The following PCSK9 variants were observed in gnomAD, a reference collection of about 807,000 sequenced individuals.
PCSK9 encodes proprotein convertase subtilisin/kexin type 9, also known as convertase subtilisin/kexin type 9 preproprotein.
Under a neutral mutation model 62.1 loss-of-function variants are expected in PCSK9, and 57 were observed. That is an observed-to-expected ratio of 0.92 (90% CI 0.74 to 1.14). PCSK9 has a LOEUF of 1.14. Among genes scored for constraint, PCSK9 ranks in the 50% most tolerant of loss-of-function variants. PCSK9 has a pLI of 0.00. For missense variants in PCSK9, 870 were observed against 959.8 expected (o/e 0.91, Z 1.24); for synonymous variants, 387 against 409.4 (o/e 0.95, Z 0.66).
chr1:55,062,529 A>G (rs933469801), intron 11 of PCSK9, among the ~76,000 whole-genome samples: 3 of 152,232 alleles, frequency 2.0e-5, no homozygotes, highest in African/African-American at 7.2e-5. Flanking sequence ...TACTGAAAAG[A>G]TGCGATGGAG....
chr1:55,052,884 A>C, intron 5 of PCSK9, 93 bp downstream of exon 5: 2 of 1,580,368 alleles, frequency 1.3e-6, no homozygotes, highest in Non-Finnish European at 1.7e-6. Context: ...ATGTCTCCTA[A>C]CCAAGAATGC....
chr1:55,050,973 A>AGG (rs1644668697), intron 3 of PCSK9: 1 of 368,944 alleles, frequency 2.7e-6, no homozygotes. Context: ...CACACACAGG[A>AGG]GGGGCCACGT....
At chr1:55,057,071 A>C (rs201160931) in intron 6 of PCSK9, among the ~76,000 whole-genome samples, 1 of 117,378 alleles carries the variant, frequency 8.5e-6, no homozygotes, top group Non-Finnish European at 1.8e-5. Flanking sequence ...ATAGTTTCCT[A>C]TCTCCCCCAC....
intron 3 of PCSK9, chr1:55,051,822 C>G (rs1285911094): frequency 3.7e-6 from 1 of 267,282 alleles, no homozygotes; most frequent in Admixed American, 5.1e-5. Context: ...CTTCCTGTCT[C>G]TAAAATGAGC....
chr1:55,048,733 T>C (rs1644652925), intron 3 of PCSK9, among the ~76,000 whole-genome samples: 1 of 152,212 alleles, frequency 6.6e-6, no homozygotes, highest in Admixed American at 6.5e-5. Context: ...CTGTGTGACC[T>C]TGCATACGTC....
chr1:55,057,384 T>G lies in PCSK9; in HGVS notation c.1050T>G (p.Thr350=). ...NAQDQPVTLG[T]LGTNFGRCVD... is the part of the protein sequence containing the mutation. Reference sequence around the variant, plus strand: ...AAGACCAGCCGGTGACCCTGGGGACTTTGGGGACCAACTTTGGCCGCTGTG... The same window carrying G: ...AAGACCAGCCGGTGACCCTGGGGACGTTGGGGACCAACTTTGGCCGCTGTG... Residue 350 remains threonine, a synonymous_variant, in exon 7 of 12, where the codon ACT becomes ACG. Coordinates refer to ENST00000302118, the MANE Select transcript of PCSK9 (RefSeq NM_174936.4). 6.2e-7 allele frequency: 1 copy of G among 1,614,112 alleles called. No homozygotes were observed. Among genetic ancestry groups the G allele is most frequent in the Non-Finnish European group, 8.5e-7 (1 of 1,180,016 alleles).
chr1:55,052,437 G>C (rs1405531327), intron 4 of PCSK9, 26 bp downstream of exon 4: 1 of 1,613,318 alleles, frequency 6.2e-7, no homozygotes, highest in Non-Finnish European at 8.5e-7. Context: ...TGATGGGAGG[G>C]CTGCCTCTGC....
intron 1 of PCSK9, among the ~76,000 whole-genome samples, chr1:55,043,298 A>ACCGT (rs1310719366): frequency 6.6e-6 from 1 of 152,180 alleles, no homozygotes; most frequent in Non-Finnish European, 1.5e-5. Flanking sequence ...GATTTATATA[A>ACCGT]CCGTCACTCT....
rs376819769 is a variant in PCSK9 at position 55,039,912 on chromosome 1, C to T, written c.75C>T (p.Pro25=). 7.0e-6 allele frequency: 11 copies of T among 1,565,908 alleles called. No individual in the cohort carries two copies. In the African/African-American group the frequency reaches 9.5e-5, roughly 13 times the overall value. The change falls in exon 1 of 12, where the codon CCC becomes CCT. Residue 25 remains proline (P), a synonymous_variant. Coordinates refer to ENST00000302118, the MANE Select transcript of PCSK9 (RefSeq NM_174936.4). ...TGCTGCTGCTGCTGCTCCTGGGTCC[C>T]GCGGGCGCCCGTGCGCAGGAGGACG... The part of the protein sequence containing the change: ...LLLLLLLLLG[P]AGARAQEDED...
At chr1:55,058,438 G>T (rs1412485159) in intron 8 of PCSK9, 61 bp from the exon 9 acceptor site, 1 of 1,610,012 alleles carries the variant, frequency 6.2e-7, no homozygotes. Flanking sequence ...ATGAACTAAA[G>T]ATTTCTGTGG....
At chr1:55,042,513 T>A (rs2495481) in intron 1 of PCSK9, among the ~76,000 whole-genome samples, 139,614 of 152,200 alleles carry the variant, frequency 0.92, 64,236 homozygotes, top group South Asian at 0.97. Flanking sequence ...TTCAAAACCG[T>A]TTTGGCCCTA....
In PCSK9 at chr1:55,052,395, C is replaced by T; in HGVS notation, c.641C>T (p.Thr214Ile). Residue 214 changes from threonine (T) to isoleucine (I), a missense_variant, in exon 4 of 12, where the codon ACC (threonine) becomes ATC (isoleucine). By Grantham distance (89) the Thr-to-Ile change is moderately conservative. Coordinates refer to ENST00000302118, the MANE Select transcript of PCSK9 (RefSeq NM_174936.4). Reference sequence around the variant, plus strand: ...GAGAATGTGCCCGAGGAGGACGGGACCCGCTTCCACAGACAGGTAAGCACG... The same window carrying T: ...GAGAATGTGCCCGAGGAGGACGGGATCCGCTTCCACAGACAGGTAAGCACG... The part of the protein sequence containing the change: ...DFENVPEEDG[T>I]RFHRQASKCD... 1.2e-6 allele frequency: 2 copies of T among 1,613,758 alleles called. No homozygotes were observed. The highest frequency in any genetic ancestry group is 1.7e-6 in the Non-Finnish European group (2 of 1,179,990).
At chr1:55,047,389 G>A (rs981991042) in intron 3 of PCSK9, among the ~76,000 whole-genome samples, 3 of 152,186 alleles carry the variant, frequency 2.0e-5, no homozygotes, top group Admixed American at 2.0e-4. Context: ...GATGCAATGT[G>A]GTGGGTCCAT....
intron 3 of PCSK9, among the ~76,000 whole-genome samples, chr1:55,048,490 C>G (rs973723296): frequency 6.6e-6 from 1 of 152,216 alleles, no homozygotes; most frequent in East Asian, 1.9e-4. Context: ...GGATTGCCCC[C>G]CTTCCCGCTT....
At chr1:55,062,846 G>A (rs896414553) in intron 11 of PCSK9, among the ~76,000 whole-genome samples, 2 of 152,212 alleles carry the variant, frequency 1.3e-5, no homozygotes, top group South Asian at 2.1e-4. Flanking sequence ...TCTCACTGTG[G>A]CCTAGCTGCT....
At chr1:55,051,010 T>C (rs536492847) in intron 3 of PCSK9, 25 of 386,468 alleles carry the variant, frequency 6.5e-5, no homozygotes, top group African/African-American at 4.8e-4. Flanking sequence ...ATTGGAGAAA[T>C]GTGGCCACAA....
At chr1:55,050,448 A>G (rs1644664842) in intron 3 of PCSK9, among the ~76,000 whole-genome samples, 1 of 152,196 alleles carries the variant, frequency 6.6e-6, no homozygotes, top group Non-Finnish European at 1.5e-5. Context: ...GGCACATGGT[A>G]GATGCCTATT....
At chr1:55,045,930 G>A (rs1024274434) in intron 2 of PCSK9, among the ~76,000 whole-genome samples, 6 of 138,738 alleles carry the variant, frequency 4.3e-5, no homozygotes, top group Non-Finnish European at 6.4e-5. Flanking sequence ...GGCTGGTCTC[G>A]AACTCTCGAC....
intron 10 of PCSK9, 45 bp downstream of exon 10, chr1:55,059,708 C>T: frequency 6.5e-7 from 1 of 1,541,648 alleles, no homozygotes. Context: ...GTCTCTTTCT[C>T]CTTATGCACC....
Sources: allele counts gnomAD v4.1 joint callset (sites outside exome capture counted in the v4.1 genomes callset), GRCh38; gene constraint gnomAD v4.1.1; transcripts MANE v1.5; gene names NCBI Gene and HGNC (gene_info 2026-07-23, HGNC 2026-07-21).